The following SUZ12 variants were observed in gnomAD, a reference collection of about 807,000 sequenced individuals.
SUZ12 encodes polycomb protein SUZ12.
In SUZ12, 17 loss-of-function variants were observed where a neutral mutation model predicts 87.3. That is an observed-to-expected ratio of 0.19 (90% confidence interval 0.13 to 0.29). The LOEUF (loss-of-function observed/expected upper bound fraction) is 0.29, where lower values mean the gene tolerates loss of function less well. Among genes scored for constraint, SUZ12 ranks in the 10% least tolerant of loss-of-function variants. The pLI, the probability that SUZ12 is intolerant of heterozygous loss-of-function variation, is 1.00. For synonymous variants in SUZ12, 253 were observed against 312.4 expected (o/e 0.81, Z 2.01); for missense variants, 526 against 912.2 (o/e 0.58, Z 5.45).
chr17:31,988,886 C>T (rs1356123752), intron 10 of SUZ12, among the ~76,000 whole-genome samples: 2 of 151,590 alleles, frequency 1.3e-5, no homozygotes, highest in East Asian at 2.0e-4. Flanking sequence ...CTGGCTAACA[C>T]GGTGAAACAC....
Position 31,966,168 on chromosome 17 carries a change from T to C in SUZ12, c.477T>C (p.Leu159=). Reference sequence around the variant, plus strand: ...TTAGCTTGTCAGCTCATTTGCAGCTTACGTTTACTGGTTTCTTCCACAAAA... The same window carrying C: ...TTAGCTTGTCAGCTCATTTGCAGCTCACGTTTACTGGTTTCTTCCACAAAA... ...ESHSLSAHLQ[L]TFTGFFHKND... is the part of the protein sequence containing the mutation. The change falls in exon 5 of 16, where the codon CTT becomes CTC. Residue 159 remains leucine (L), a synonymous_variant. Transcript: ENST00000322652. 1.9e-6 allele frequency: 3 copies of C among 1,604,320 alleles called. No homozygotes were observed. The highest frequency in any genetic ancestry group is 2.5e-6 in the Non-Finnish European group (3 of 1,176,562).
intron 4 of SUZ12, among the ~76,000 whole-genome samples, chr17:31,958,013 C>T (rs1266317003): frequency 6.6e-6 from 1 of 150,884 alleles, no homozygotes; most frequent in Non-Finnish European, 1.5e-5. Context: ...TGCCATTCTC[C>T]TGCCTCAGCC....
chr17:31,952,769 G>T (rs1907065967), intron 4 of SUZ12, among the ~76,000 whole-genome samples: 1 of 151,822 alleles, frequency 6.6e-6, no homozygotes, highest in Non-Finnish European at 1.5e-5. Context: ...TACCATGTTG[G>T]TCAGGCTGGT....
chr17:31,980,011 TAGAGAGAGAGAGAGAG>T (rs55882925), intron 8 of SUZ12, among the ~76,000 whole-genome samples: 1 of 145,962 alleles, frequency 6.9e-6, no homozygotes, highest in African/African-American at 2.5e-5. Context: ...TATATATGTA[TAGAGAGAGAGAGAGAG>T]AGAGAGAGAG....
At position 31,996,791 on chromosome 17, in the gene SUZ12, T is replaced by C; in HGVS notation, c.1795-7T>C. ...GTTTAATAGGTGTTTTTCTTTCTTTTTCCCAGCAAATTGAAGAGTTTTCTG... is the reference window on the plus strand; with the variant it reads ...GTTTAATAGGTGTTTTTCTTTCTTTCTCCCAGCAAATTGAAGAGTTTTCTG... On this transcript the variant is annotated splice_region_variant and splice_polypyrimidine_tract_variant and intron_variant, in intron 14 of 15. Transcript: ENST00000322652. The C allele has an allele frequency of 6.5e-7, 1 of 1,536,348 alleles. No homozygotes were observed. The highest frequency in any genetic ancestry group is 2.5e-5 in the East Asian group (1 of 40,610).
intron 5 of SUZ12, among the ~76,000 whole-genome samples, chr17:31,971,443 T>TTTTTG (rs1908425375): frequency 6.7e-6 from 1 of 149,356 alleles, no homozygotes; most frequent in African/African-American, 2.5e-5. Flanking sequence ...TTTTTTTTTT[T>TTTTTG]GGAGATGGAG....
At chr17:31,951,768 G>C (rs1425100259) in intron 4 of SUZ12, among the ~76,000 whole-genome samples, 1 of 141,134 alleles carries the variant, frequency 7.1e-6, no homozygotes, top group African/African-American at 2.8e-5. Flanking sequence ...GAGCCACCGC[G>C]CCCAGCCTTT....
intron 3 of SUZ12, among the ~76,000 whole-genome samples, chr17:31,945,392 A>T (rs1326260152): frequency 2.0e-5 from 3 of 152,144 alleles, no homozygotes; most frequent in East Asian, 1.9e-4. Flanking sequence ...TCTTTCTAGA[A>T]GTATTCAACT....
chr17:31,937,554 C>G (rs750437813), intron 1 of SUZ12, 34 bp downstream of exon 1: 3 of 1,529,854 alleles, frequency 2.0e-6, no homozygotes, highest in Non-Finnish European at 1.7e-6. Context: ...GGCAGGAAGA[C>G]CCACTCTGCC....
Position 31,949,665 on chromosome 17 carries a change from C to A in SUZ12, c.455+1980C>A, listed in dbSNP as rs1236841185. On this transcript the variant is annotated intron_variant, in intron 4 of 15. Coordinates refer to ENST00000322652, the MANE Select transcript of SUZ12 (RefSeq NM_015355.4). ...GGCACCTGCCACCACACCCAGCCCC[C>A]CCCCCCCCCCCTTTTTTTTTTTTTT... Among the ~76,000 whole-genome samples, 70 of 47,622 alleles carry A rather than the reference C, an allele frequency of 1.5e-3. 2 individuals are homozygous for A. Among genetic ancestry groups the A allele is most frequent in the African/African-American group, 5.7e-3 (69 of 12,190 alleles). 31.2% of individuals were successfully genotyped at this position (47,622 alleles called of 152,430 possible).
chr17:31,982,210 C>T (rs546916156), intron 8 of SUZ12, among the ~76,000 whole-genome samples: 59 of 152,128 alleles, frequency 3.9e-4, no homozygotes, highest in Non-Finnish European at 5.9e-4. Context: ...CCCAGAATTC[C>T]GTAGTTACCA....
chr17:31,979,336 C>T (rs928046028), intron 8 of SUZ12, among the ~76,000 whole-genome samples: 2 of 152,086 alleles, frequency 1.3e-5, no homozygotes, highest in Non-Finnish European at 2.9e-5. Flanking sequence ...AAGACATTTT[C>T]TGATATAACC....
intron 8 of SUZ12, 67 bp from the exon 9 acceptor site, chr17:31,982,932 G>A (rs1163864571): frequency 7.1e-7 from 1 of 1,401,412 alleles, no homozygotes; most frequent in Non-Finnish European, 9.7e-7. Context: ...TAAATCTAAA[G>A]ATGTAGAATT....
At chr17:31,995,089 T>C (rs1312960757) in intron 13 of SUZ12, among the ~76,000 whole-genome samples, 1 of 152,120 alleles carries the variant, frequency 6.6e-6, no homozygotes, top group Non-Finnish European at 1.5e-5. Context: ...AGAGCAAAAC[T>C]TCGTCTCAAA....
chr17:31,970,446 G>A (rs576792490), intron 5 of SUZ12, among the ~76,000 whole-genome samples: 126 of 152,070 alleles, frequency 8.3e-4, no homozygotes, highest in Non-Finnish European at 1.5e-3. Flanking sequence ...TGGCCAACAT[G>A]GTGAAGCCCC....
intron 6 of SUZ12, among the ~76,000 whole-genome samples, chr17:31,974,531 A>G (rs571241006): frequency 6.6e-6 from 1 of 152,334 alleles, no homozygotes; most frequent in Admixed American, 6.5e-5. Flanking sequence ...CCTAACCTCC[A>G]TACACATTAC....
chr17:31,938,781 T>G (rs1906095784), intron 1 of SUZ12, among the ~76,000 whole-genome samples: 1 of 152,240 alleles, frequency 6.6e-6, no homozygotes, highest in Non-Finnish European at 1.5e-5. Flanking sequence ...GGTGGAAATT[T>G]TAAAAGTTCT....
intron 5 of SUZ12, among the ~76,000 whole-genome samples, chr17:31,968,967 G>A (rs1307249322): frequency 6.6e-6 from 1 of 152,106 alleles, no homozygotes; most frequent in East Asian, 1.9e-4. Context: ...AAGTAAAAGA[G>A]ATAGTGAACT....
chr17:31,981,825 T>G (rs1036517067), intron 8 of SUZ12, among the ~76,000 whole-genome samples: 1 of 152,246 alleles, frequency 6.6e-6, no homozygotes, highest in African/African-American at 2.4e-5. Flanking sequence ...AGTTTTCTCT[T>G]CTGGCAGTGG....
Sources: allele counts gnomAD v4.1 joint callset (sites outside exome capture counted in the v4.1 genomes callset), GRCh38; gene constraint gnomAD v4.1.1; transcripts MANE v1.5; gene names NCBI Gene and HGNC (gene_info 2026-07-23, HGNC 2026-07-21).